The following CNTNAP2 variants were observed in gnomAD, a reference collection of about 807,000 sequenced individuals.
CNTNAP2 encodes the protein contactin-associated protein-like 2.
CNTNAP2 carries 98 observed loss-of-function variants against 155.2 expected under a neutral mutation model. The ratio of observed to expected loss-of-function variants is 0.63; its 90% CI spans 0.54 to 0.75. The LOEUF is 0.75. Ranked by LOEUF, CNTNAP2 falls within the 30% of genes least tolerant of loss-of-function variation. The pLI is 0.00. For synonymous variants in CNTNAP2, 651 were observed against 631.2 expected, an observed-to-expected ratio of 1.03 and a Z score of -0.47; for missense variants, 1,727 against 1,688.1, an observed-to-expected ratio of 1.02 and a Z score of -0.40.
In CNTNAP2 at chr7:146,886,322, C is replaced by T. The variant is rs535548915; in HGVS notation, c.402+46418C>T. On this transcript the variant is annotated intron_variant, in intron 3 of 23. Transcript: ENST00000361727. ...ATCTTTATACCAAGATAGCACCAAT[C>T]TCACTTTCAAAGCTGCCAAAATTTG... 6.7e-5 allele frequency among the ~76,000 whole-genome samples: 10 copies of T among 149,706 alleles called. No individual in the cohort carries two copies. The East Asian group carries it at 2.0e-3, about 30-fold the overall frequency.
intron 3 of CNTNAP2, among the ~76,000 whole-genome samples, chr7:146,949,885 G>A (rs975684632): frequency 2.0e-5 from 3 of 152,038 alleles, no homozygotes; most frequent in Non-Finnish European, 4.4e-5. Context: ...GTTTTCCTTT[G>A]TTTTTGTCTT....
At chr7:148,262,715 A>G (rs1037025477) in intron 20 of CNTNAP2, among the ~76,000 whole-genome samples, 1 of 152,118 alleles carries the variant, frequency 6.6e-6, no homozygotes, top group Non-Finnish European at 1.5e-5. Flanking sequence ...ACATCTGTAA[A>G]GCCCCTCTTG....
At chr7:147,228,177 G>C (rs966335829) in intron 8 of CNTNAP2, among the ~76,000 whole-genome samples, 2 of 152,170 alleles carry the variant, frequency 1.3e-5, no homozygotes, top group Non-Finnish European at 2.9e-5. Context: ...TTTCAAGAAA[G>C]AATGAAAGTA....
intron 13 of CNTNAP2, among the ~76,000 whole-genome samples, chr7:147,777,157 C>T (rs1336050292): frequency 1.3e-5 from 2 of 152,058 alleles, no homozygotes; most frequent in Non-Finnish European, 2.9e-5. Context: ...CTGTTCTGTA[C>T]TCTTGGGAAT....
At chr7:147,595,795 G>T (rs1800816315) in intron 12 of CNTNAP2, among the ~76,000 whole-genome samples, 1 of 152,146 alleles carries the variant, frequency 6.6e-6, no homozygotes, top group African/African-American at 2.4e-5. Context: ...GAGTAGAGAG[G>T]TTGGTGACTA....
chr7:148,226,101 T>G (rs1249083210), intron 19 of CNTNAP2, among the ~76,000 whole-genome samples: 1 of 152,152 alleles, frequency 6.6e-6, no homozygotes, highest in African/African-American at 2.4e-5. Context: ...CTCCTAGAAT[T>G]TATTCATTAA....
intron 13 of CNTNAP2, among the ~76,000 whole-genome samples, chr7:147,694,678 C>T (rs897056956): frequency 2.7e-5 from 4 of 147,420 alleles, no homozygotes; most frequent in African/African-American, 8.1e-5. Context: ...AGTGATGGCA[C>T]CTCTTTCATT....
chr7:146,827,486 C>G (rs1803429062), intron 2 of CNTNAP2, among the ~76,000 whole-genome samples: 1 of 150,198 alleles, frequency 6.7e-6, no homozygotes, highest in African/African-American at 2.5e-5. Context: ...TCTGCGTGGA[C>G]AAGAATGTTT....
In CNTNAP2 at chr7:148,383,851, C is replaced by T. The variant is rs201219937; in HGVS notation, c.3678C>T (p.Ser1226=). ...ASPLTLSPMS[S]ATDPWHLDHL... is the part of the protein sequence containing the mutation. ...CGCTGACCCTCTCCCCCATGTCGTC[C>T]GCCACCGACCCCTGGCACCTGGATC... The change falls in exon 22 of 24, where the codon TCC becomes TCT. Residue 1226 remains serine, a synonymous_variant. Transcript: ENST00000361727. 275 of 1,613,924 alleles carry T rather than the reference C, an allele frequency of 1.7e-4. No homozygotes were observed. The Admixed American group carries it at 2.9e-3, about 17-fold the overall frequency.
At chr7:146,905,814 A>G (rs1333092131) in intron 3 of CNTNAP2, among the ~76,000 whole-genome samples, 2 of 152,218 alleles carry the variant, frequency 1.3e-5, no homozygotes, top group African/African-American at 2.4e-5. Context: ...CCGAATAGGA[A>G]CAGCTCCGGG....
At chr7:146,308,166 A>T (rs1012401710) in intron 1 of CNTNAP2, among the ~76,000 whole-genome samples, 5 of 152,224 alleles carry the variant, frequency 3.3e-5, no homozygotes, top group Non-Finnish European at 5.9e-5. Context: ...AAGTGGGCAA[A>T]GGATATGAAC....
intron 9 of CNTNAP2, among the ~76,000 whole-genome samples, chr7:147,353,516 T>G (rs905708963): frequency 3.9e-5 from 6 of 152,178 alleles, no homozygotes; most frequent in Non-Finnish European, 5.9e-5. Flanking sequence ...GTGGTGTATA[T>G]GTGCCACATT....
chr7:148,073,483 G>A (rs140205841), intron 15 of CNTNAP2, among the ~76,000 whole-genome samples: 1 of 152,188 alleles, frequency 6.6e-6, no homozygotes, highest in Non-Finnish European at 1.5e-5. Flanking sequence ...CATTTGTCCA[G>A]CATATCCACG....
At chr7:146,955,571 TC>T (rs1797417223) in intron 3 of CNTNAP2, among the ~76,000 whole-genome samples, 1 of 152,100 alleles carries the variant, frequency 6.6e-6, no homozygotes, top group Admixed American at 6.6e-5. Flanking sequence ...ATTTATTGTT[TC>T]AAATTAATAG....
chr7:147,558,589 C>T (rs1799994006), intron 11 of CNTNAP2, among the ~76,000 whole-genome samples: 1 of 152,198 alleles, frequency 6.6e-6, no homozygotes, highest in African/African-American at 2.4e-5. Context: ...GTTTGGTTTT[C>T]TGTAAGCGTT....
intron 3 of CNTNAP2, among the ~76,000 whole-genome samples, chr7:146,999,771 T>C (rs867339970): frequency 9.2e-5 from 14 of 152,094 alleles, no homozygotes; most frequent in African/African-American, 3.1e-4. Context: ...CTCTCGTCAT[T>C]TGTGGTTTGC....
chr7:146,377,409 A>G (rs1376979737), intron 1 of CNTNAP2, among the ~76,000 whole-genome samples: 2 of 151,850 alleles, frequency 1.3e-5, no homozygotes, highest in Non-Finnish European at 2.9e-5. Flanking sequence ...GCTCCTTTCA[A>G]TTTCTATTTG....
At position 147,949,000 on chromosome 7, in the gene CNTNAP2, G is replaced by A. The variant is rs375321279; in HGVS notation, c.2256-28862G>A. 4.0e-5 allele frequency among the ~76,000 whole-genome samples: 6 copies of A among 151,852 alleles called. No homozygotes were observed. The East Asian group carries it at 5.8e-4, about 15-fold the overall frequency. ...GTGGATCACCTGAGGTTGGGAGTTT[G>A]AGACCAGCCTGAACAACACGGAGAA... On this transcript the variant is annotated intron_variant, in intron 14 of 23. Transcript: ENST00000361727.
chr7:147,613,557 G>A (rs1268758771), intron 12 of CNTNAP2, among the ~76,000 whole-genome samples: 1 of 152,040 alleles, frequency 6.6e-6, no homozygotes, highest in East Asian at 1.9e-4. Context: ...AATAGAAAAA[G>A]CCGGATGCAG....
Sources: allele counts gnomAD v4.1 joint callset (sites outside exome capture counted in the v4.1 genomes callset), GRCh38; gene constraint gnomAD v4.1.1; transcripts MANE v1.5; gene names NCBI Gene and HGNC (gene_info 2026-07-23, HGNC 2026-07-21).